PRTG: variants seen among roughly 807,000 people sequenced by gnomAD.
PRTG encodes protogenin, also known as immunoglobulin superfamily, DCC subclass, member 5.
PRTG carries 67 observed loss-of-function variants against 122.5 expected under a neutral mutation model. The ratio of observed to expected loss-of-function variants is 0.55; its 90% confidence interval spans 0.45 to 0.67. The LOEUF (loss-of-function observed/expected upper bound fraction) is 0.67, where lower values mean the gene tolerates loss of function less well. PRTG is among the 30% of genes least tolerant of loss of function. The probability of loss-of-function intolerance (pLI) is 0.00; values close to 1 mark genes in which losing one functional copy is unlikely to be tolerated. For missense variants in PRTG, 1,435 were observed against 1,415.4 expected, an observed-to-expected ratio of 1.01 and a Z score of -0.22; for synonymous variants, 554 against 501.1, an observed-to-expected ratio of 1.11 and a Z score of -1.41.
At chr15:55,742,687 C>T (rs1037940988) in intron 1 of PRTG, 151 bp downstream of exon 1, 9 of 934,824 alleles carry the variant, frequency 9.6e-6, no homozygotes, top group East Asian at 3.0e-5. Context: ...TCCGGACAGG[C>T]CGCAGGGCGA....
At chr15:55,676,638 C>T (rs551357658) in intron 8 of PRTG, among the ~76,000 whole-genome samples, 16 of 152,244 alleles carry the variant, frequency 1.1e-4, no homozygotes, top group Non-Finnish European at 1.9e-4. Context: ...CTGCATAGTA[C>T]GATTTCTGAC....
chr15:55,713,608 T>A (rs2030479274), intron 2 of PRTG, among the ~76,000 whole-genome samples: 1 of 152,226 alleles, frequency 6.6e-6, no homozygotes, highest in South Asian at 2.1e-4. Context: ...GGTGTTAAAA[T>A]TTTTGTCAAT....
At chr15:55,644,804 A>G (rs1434863954) in intron 11 of PRTG, among the ~76,000 whole-genome samples, 1 of 152,170 alleles carries the variant, frequency 6.6e-6, no homozygotes, top group Non-Finnish European at 1.5e-5. Flanking sequence ...TAAATTCTGG[A>G]AATTATTTTA....
chr15:55,628,751 C>T (rs569130699), intron 16 of PRTG, 71 bp downstream of exon 16: 22 of 1,203,066 alleles, frequency 1.8e-5, no homozygotes, highest in Admixed American at 6.7e-5. Context: ...ATTGTAGGAG[C>T]AGAAATAATG....
At chr15:55,643,390 G>A (rs975473813) in intron 11 of PRTG, among the ~76,000 whole-genome samples, 1 of 152,130 alleles carries the variant, frequency 6.6e-6, no homozygotes, top group East Asian at 1.9e-4. Context: ...ACACCATAAG[G>A]TAGATGTTAT....
chr15:55,699,864 C>G (rs1227902564), intron 2 of PRTG, among the ~76,000 whole-genome samples: 1 of 152,078 alleles, frequency 6.6e-6, no homozygotes, highest in Non-Finnish European at 1.5e-5. Flanking sequence ...TATACGAAAA[C>G]AAGAAGTGGT....
chr15:55,715,622 T>C (rs1371175969), intron 2 of PRTG, among the ~76,000 whole-genome samples: 6 of 152,180 alleles, frequency 3.9e-5, no homozygotes, highest in Admixed American at 3.9e-4. Flanking sequence ...TGTCTTTGAT[T>C]TGGGATCACA....
chr15:55,734,740 C>G (rs2031355601), intron 2 of PRTG, among the ~76,000 whole-genome samples: 1 of 14,232 alleles, frequency 7.0e-5, no homozygotes, highest in African/African-American at 1.3e-4. Context: ...TTTCTGAGAA[C>G]CAGAGGTTAA....
At position 55,738,025 on chromosome 15, in the gene PRTG, T is replaced by TATAC. The variant is rs1464247830; in HGVS notation, c.397+2356_397+2357insGTAT. Reference sequence around the variant, plus strand: ...CTCTATATATATATATATATATATATACACACACACACACACACACACACA... The same window carrying TATAC: ...CTCTATATATATATATATATATATATATACACACACACACACACACACACACACA... On this transcript the variant is annotated intron_variant, in intron 2 of 19. Coordinates refer to ENST00000389286, the MANE Select transcript of PRTG (RefSeq NM_173814.6). 6.5e-4 allele frequency among the ~76,000 whole-genome samples: 62 copies of TATAC among 95,682 alleles called. No individual in the cohort carries two copies. The East Asian group carries it at 7.6e-3, about 12-fold the overall frequency. 62.8% of individuals were successfully genotyped at this position (95,682 alleles called of 152,430 possible). A position where few individuals can be genotyped will look rare whatever the true frequency, so the allele number is the denominator to read the frequency against.
intron 2 of PRTG, among the ~76,000 whole-genome samples, chr15:55,721,486 CCAA>C (rs1406570766): frequency 2.0e-5 from 3 of 152,320 alleles, no homozygotes; most frequent in East Asian, 1.9e-4. Flanking sequence ...AATTTATTCT[CCAA>C]CAACATCAAA....
chr15:55,696,340 A>G (rs16976479), intron 2 of PRTG, among the ~76,000 whole-genome samples: 11,515 of 152,276 alleles, frequency 0.076, 532 homozygotes, highest in Non-Finnish European at 0.11. Flanking sequence ...AGTTTGATAT[A>G]TATTAACGTA....
intron 2 of PRTG, among the ~76,000 whole-genome samples, chr15:55,714,110 T>C (rs2030504005): frequency 1.3e-5 from 2 of 152,144 alleles, no homozygotes; most frequent in Non-Finnish European, 2.9e-5. Flanking sequence ...TACCTATCAT[T>C]GCTATGTATT....
At chr15:55,717,448 A>G (rs2030640919) in intron 2 of PRTG, among the ~76,000 whole-genome samples, 1 of 152,236 alleles carries the variant, frequency 6.6e-6, no homozygotes, top group African/African-American at 2.4e-5. Context: ...AAAAAAAGCA[A>G]AAGCCACAGT....
At chr15:55,700,106 C>A (rs1345941710) in intron 2 of PRTG, among the ~76,000 whole-genome samples, 2 of 152,144 alleles carry the variant, frequency 1.3e-5, no homozygotes, top group African/African-American at 4.8e-5. Flanking sequence ...GACATATACT[C>A]TCTGTATATG....
intron 2 of PRTG, among the ~76,000 whole-genome samples, chr15:55,719,457 T>C (rs2030728584): frequency 6.6e-6 from 1 of 152,210 alleles, no homozygotes; most frequent in Admixed American, 6.5e-5. Flanking sequence ...AGAATGAATG[T>C]CTATTAATGA....
intron 2 of PRTG, among the ~76,000 whole-genome samples, chr15:55,688,809 G>A (rs2059584719): frequency 6.6e-6 from 1 of 152,158 alleles, no homozygotes; most frequent in Non-Finnish European, 1.5e-5. Context: ...ACTCCCGCCT[G>A]GTGACAGAGC....
At chr15:55,633,563 AAT>A (rs1268524913) in intron 15 of PRTG, among the ~76,000 whole-genome samples, 1 of 152,152 alleles carries the variant, frequency 6.6e-6, no homozygotes, top group Non-Finnish European at 1.5e-5. Flanking sequence ...TATATATGTA[AAT>A]ATGTATAAAC....
At position 55,693,302 on chromosome 15, in the gene PRTG, C is replaced by A. The variant is rs548334254; in HGVS notation, c.398-9371G>T. 2.4e-4 allele frequency among the ~76,000 whole-genome samples: 36 copies of A among 152,202 alleles called. No individual in the cohort carries two copies. In the South Asian group the frequency reaches 7.5e-3, roughly 32 times the overall value. ...AGAAACCCTGTCTCTACTAAAAACACGAAATCAGCCGGGCGTGGCGGCGCA... is the reference window on the plus strand; with the variant it reads ...AGAAACCCTGTCTCTACTAAAAACAAGAAATCAGCCGGGCGTGGCGGCGCA... On this transcript the variant is annotated intron_variant, in intron 2 of 19. Coordinates refer to ENST00000389286, the MANE Select transcript of PRTG (RefSeq NM_173814.6).
intron 15 of PRTG, among the ~76,000 whole-genome samples, chr15:55,630,075 C>A (rs983984097): frequency 6.6e-6 from 1 of 151,834 alleles, no homozygotes; most frequent in Non-Finnish European, 1.5e-5. Flanking sequence ...TCAGCTCCGC[C>A]GCCCAGGTTC....
Sources: gnomAD v4.1 joint callset for allele counts (sites outside exome capture counted in the v4.1 genomes callset) on GRCh38, gnomAD v4.1.1 for gene constraint, MANE v1.5 for transcripts, NCBI Gene and HGNC (gene_info 2026-07-23, HGNC 2026-07-21) for gene names.